Variants in DNAH12 observed in about 807,000 individuals in gnomAD.
DNAH12 encodes the protein axonemal beta dynein heavy chain 12.
Under a neutral mutation model 371.5 loss-of-function variants are expected in DNAH12, and 285 were observed. The ratio of observed to expected loss-of-function variants is 0.77; its 90% CI spans 0.70 to 0.85. DNAH12 has a LOEUF of 0.85. DNAH12 is among the 40% of genes least tolerant of loss of function. The probability of loss-of-function intolerance (pLI) is 0.00; values close to 1 mark genes in which losing one functional copy is unlikely to be tolerated. For synonymous variants in DNAH12, 1,200 were observed against 1,213.0 expected (o/e 0.99, Z 0.22); for missense variants, 3,611 against 3,689.4 (o/e 0.98, Z 0.55).
Position 57,423,441 on chromosome 3 carries a change from T to C in DNAH12, c.5373+1581A>G, listed in dbSNP as rs576513577. Among the ~76,000 whole-genome samples, 7 of 152,216 alleles carry C rather than the reference T, an allele frequency of 4.6e-5. No homozygotes were observed. In the South Asian group the frequency reaches 1.5e-3, roughly 32 times the overall value. On this transcript the variant is annotated intron_variant, in intron 35 of 73. Coordinates refer to ENST00000495027, the MANE Select transcript of DNAH12 (RefSeq NM_001366028.2). ...TCAAACATGTCTGTTCAATATCTTC[T>C]AAAGCGGAAGGATATAAAGGCGAAA...
At chr3:57,436,215 C>A (rs9829537) in intron 30 of DNAH12, among the ~76,000 whole-genome samples, 75,665 of 151,696 alleles carry the variant, frequency 0.5, 18,966 homozygotes, top group South Asian at 0.57. Flanking sequence ...ACTTATATAA[C>A]ATATATATAA....
At chr3:57,338,912 C>T (rs1553655056) in intron 60 of DNAH12, among the ~76,000 whole-genome samples, 3 of 152,118 alleles carry the variant, frequency 2.0e-5, no homozygotes, top group Non-Finnish European at 4.4e-5. Flanking sequence ...GCCATGGTGA[C>T]GATGGCGGTT....
In DNAH12 at chr3:57,322,343, C is replaced by G; in HGVS notation, c.10524G>C (p.Leu3508=). Residue 3508 remains leucine (L), a splice_region_variant and synonymous_variant, in exon 65 of 74, where the codon CTG becomes CTC. Coordinates refer to ENST00000495027, the MANE Select transcript of DNAH12 (RefSeq NM_001366028.2). The part of the protein sequence containing the change: ...EFFKGCRGKE[L]AWEKLLFGVC... ...AAAAGTTCCAAAAGATGAATATTAC[C>G]AGTTCCTTTCCACGGCATCCCTTGA... The G allele has an allele frequency of 6.5e-7, 1 of 1,549,262 alleles. No individual in the cohort carries two copies. The highest frequency in any genetic ancestry group is 8.7e-7 in the Non-Finnish European group (1 of 1,145,992).
intron 25 of DNAH12, among the ~76,000 whole-genome samples, chr3:57,449,696 G>A (rs917647806): frequency 3.3e-5 from 5 of 152,186 alleles, no homozygotes; most frequent in African/African-American, 1.2e-4. Flanking sequence ...CGCAAGCGCC[G>A]CACGCAGCCT....
At chr3:57,520,044 T>C in intron 4 of DNAH12, 1 of 672,136 alleles carries the variant, frequency 1.5e-6, no homozygotes, top group Non-Finnish European at 2.6e-6. Flanking sequence ...CGACGTTGGG[T>C]TGGGGAAAGC....
At chr3:57,458,274 A>G (rs1190359400) in intron 20 of DNAH12, 54 bp from the exon 21 acceptor site, 19 of 1,498,400 alleles carry the variant, frequency 1.3e-5, no homozygotes, top group Middle Eastern at 1.9e-4. Context: ...TATAATTATG[A>G]CTTAAATATC....
At chr3:57,478,688 C>G (rs965478372) in intron 13 of DNAH12, among the ~76,000 whole-genome samples, 1 of 152,086 alleles carries the variant, frequency 6.6e-6, no homozygotes, top group Non-Finnish European at 1.5e-5. Context: ...GGTTGGGTTA[C>G]CAACAAAGGG....
At chr3:57,507,129 G>A (rs2067793124) in intron 8 of DNAH12, among the ~76,000 whole-genome samples, 1 of 151,836 alleles carries the variant, frequency 6.6e-6, no homozygotes, top group Non-Finnish European at 1.5e-5. Context: ...TATTTTTCTA[G>A]AATTGTATAT....
chr3:57,457,902 G>C lies in DNAH12; in HGVS notation c.3155C>G (p.Ala1052Gly). Reference protein sequence around the residue: ...PHLKKCFEGIAKLEFLPNLDI... With the variant: ...PHLKKCFEGIGKLEFLPNLDI... ...CAAATTGGGAAGGAACTCTAATTTAGCAATGCCCTCAAAGCATTTTTTTAA... is the reference window on the plus strand; with the variant it reads ...CAAATTGGGAAGGAACTCTAATTTACCAATGCCCTCAAAGCATTTTTTTAA... Residue 1052 changes from alanine (A) to glycine (G), a missense_variant, in exon 22 of 74, where the codon GCT becomes GGT. Ala to Gly is a moderately conservative substitution (Grantham distance 60, BLOSUM62 0). Transcript: ENST00000495027. 1 of 1,551,626 alleles carries C rather than the reference G, an allele frequency of 6.4e-7. No homozygotes were observed. The highest frequency in any genetic ancestry group is 8.7e-7 in the Non-Finnish European group (1 of 1,146,974).
intron 58 of DNAH12, among the ~76,000 whole-genome samples, chr3:57,357,583 C>A (rs1277216715): frequency 1.3e-5 from 2 of 151,802 alleles, no homozygotes; most frequent in Non-Finnish European, 2.9e-5. Flanking sequence ...AAAGGAGGAA[C>A]AAGAGAGGAA....
chr3:57,489,513 C>A lies in DNAH12; in HGVS notation c.1510G>T (p.Glu504Ter). 1.3e-6 allele frequency: 2 copies of A among 1,507,460 alleles called. No individual in the cohort carries two copies. Among genetic ancestry groups the A allele is most frequent in the East Asian group, 2.5e-5 (1 of 39,278 alleles). 93.4% of individuals were successfully genotyped at this position (1,507,460 alleles called of 1,614,324 possible). A position where few individuals can be genotyped will look rare whatever the true frequency, so the allele number is the denominator to read the frequency against. Residue 504 changes from glutamate (E) to a stop codon, truncating the protein, a stop_gained, in exon 12 of 74, where the codon GAA becomes TAA. Coordinates refer to ENST00000495027, the MANE Select transcript of DNAH12 (RefSeq NM_001366028.2). LOFTEE classifies it high-confidence loss of function. ...DIASKYRKEN[E>*]CICSEFEAIK... The stretch of plus-strand genomic sequence containing the variant: ...TTGGGAATTAATTCTACTTACCATT[C>A]ATTTTCTTTTCTATATTTTGAAGCT...
chr3:57,439,054 C>T (rs929109971), intron 29 of DNAH12, among the ~76,000 whole-genome samples: 1 of 151,448 alleles, frequency 6.6e-6, no homozygotes, highest in African/African-American at 2.4e-5. Context: ...TGAAAGAAAT[C>T]ATAGATGACA....
rs2065449477 is a variant in DNAH12, at chr3:57,445,293, A to C, written c.4306T>G (p.Cys1436Gly). The C allele has an allele frequency of 1.9e-6, 3 of 1,551,638 alleles. No individual in the cohort carries two copies. In the East Asian group the frequency reaches 7.3e-5, roughly 38 times the overall value. ...SVKIVMTYRL[C>G]SEQLSSQFHY... ...AATTGCGATGAGAGCTGCTCTGAGCAAAGCCTATAGGTCATTACTATTTTC... is the reference window on the plus strand; with the variant it reads ...AATTGCGATGAGAGCTGCTCTGAGCCAAGCCTATAGGTCATTACTATTTTC... Residue 1436 changes from cysteine (C) to glycine (G), a missense_variant, in exon 28 of 74, where the codon TGC (cysteine) becomes GGC (glycine). Around this residue, in one of 3 missense-constraint regions of DNAH12, gnomAD observed 2,266 missense variants for 2,236.9 expected, o/e 1.01. Transcript: ENST00000495027.
rs2067582116 is a variant in DNAH12 at position 57,502,364 on chromosome 3, T to C, written c.1202A>G (p.His401Arg). ...CTTTCTTGCACCTTCTAAGTTCCGA[T>C]GTACTGCTGCCTTCAGTGTATCAAC... ...WAVDTLKAAV[H>R]RNLEGARKHY... Residue 401 changes from histidine (H) to arginine (R), a missense_variant, in exon 10 of 74, where the codon CAT becomes CGT. This residue lies in a region of DNAH12 where 1,314 missense variants were observed against 1,398.7 expected (regional missense o/e 0.94). Coordinates refer to ENST00000495027, the MANE Select transcript of DNAH12 (RefSeq NM_001366028.2). 2 of 1,614,164 alleles carry C rather than the reference T, an allele frequency of 1.2e-6. No homozygotes were observed. Among genetic ancestry groups the C allele is most frequent in the Non-Finnish European group, 1.7e-6 (2 of 1,180,022 alleles).
intron 11 of DNAH12, among the ~76,000 whole-genome samples, chr3:57,497,483 G>T (rs2067362586): frequency 1.3e-5 from 2 of 152,204 alleles, no homozygotes; most frequent in Non-Finnish European, 2.9e-5. Flanking sequence ...ATAATTCAAT[G>T]AGTACAAGAT....
intron 18 of DNAH12, among the ~76,000 whole-genome samples, 199 bp from the exon 19 acceptor site, chr3:57,461,888 GT>G (rs2066065187): frequency 6.6e-6 from 1 of 152,138 alleles, no homozygotes; most frequent in Non-Finnish European, 1.5e-5. Flanking sequence ...CGATTATGTA[GT>G]TTTAAAGAAT....
intron 11 of DNAH12, among the ~76,000 whole-genome samples, chr3:57,495,367 T>C (rs991178143): frequency 2.0e-5 from 3 of 147,846 alleles, no homozygotes; most frequent in East Asian, 1.9e-4. Context: ...GAGACCAGCA[T>C]GGCCAACAGG....
At chr3:57,338,011 CTCTCTCTCTCT>C (rs2062270850) in intron 60 of DNAH12, among the ~76,000 whole-genome samples, 3 of 152,032 alleles carry the variant, frequency 2.0e-5, no homozygotes, top group Non-Finnish European at 1.5e-5. Flanking sequence ...TTCGCTCTCC[CTCTCTCTCTCT>C]TCTCTCTCTT....
At chr3:57,350,100 A>G (rs1292752277) in intron 60 of DNAH12, among the ~76,000 whole-genome samples, 2 of 152,250 alleles carry the variant, frequency 1.3e-5, no homozygotes, top group African/African-American at 4.8e-5. Context: ...TCATAAAGGC[A>G]TAAGAATGGT....
Sources: allele counts gnomAD v4.1 joint callset (sites outside exome capture counted in the v4.1 genomes callset), GRCh38; gene constraint gnomAD v4.1.1; regional missense constraint gnomAD v4.1.1; transcripts MANE v1.5; gene names NCBI Gene and HGNC (gene_info 2026-07-23, HGNC 2026-07-21).